RREB1: variants seen among roughly 807,000 people sequenced by gnomAD.
The protein encoded by RREB1 is ras-responsive element-binding protein 1.
RREB1 carries 27 observed loss-of-function variants against 117.8 expected under a neutral mutation model. The observed-to-expected ratio is 0.23, with a 90% CI of 0.17 to 0.32. The LOEUF (loss-of-function observed/expected upper bound fraction) is 0.32, where lower values mean the gene tolerates loss of function less well. Ranked by LOEUF, RREB1 falls within the 10% of genes least tolerant of loss-of-function variation. The pLI is 1.00. For synonymous variants in RREB1, 1,298 were observed against 1,026.7 expected (o/e 1.26, Z -5.05); for missense variants, 2,577 against 2,378.2 (o/e 1.08, Z -1.74).
At chr6:7,191,701 T>C (rs1033992537) in intron 6 of RREB1, among the ~76,000 whole-genome samples, 8 of 152,340 alleles carry the variant, frequency 5.3e-5, no homozygotes, top group African/African-American at 1.7e-4. Flanking sequence ...AATTTATTTC[T>C]AAGTATTTTA....
At chr6:7,200,244 A>ATGTGTGTGTG (rs70978945) in intron 6 of RREB1, among the ~76,000 whole-genome samples, 1,955 of 129,354 alleles carry the variant, frequency 0.015, 38 homozygotes, top group South Asian at 0.062. Flanking sequence ...ATGTGTGTAT[A>ATGTGTGTGTG]TGTGTGTGTG....
At chr6:7,188,252 T>TGTGCGC (rs1411771705) in intron 5 of RREB1, among the ~76,000 whole-genome samples, 2 of 147,582 alleles carry the variant, frequency 1.4e-5, no homozygotes, top group African/African-American at 5.0e-5. Context: ...TGTGTGTGTG[T>TGTGCGC]GCGCGCGCGC....
In RREB1 at chr6:7,247,167, A is replaced by C; in HGVS notation, c.4717A>C (p.Asn1573His). 6 of 1,613,874 alleles carry C rather than the reference A, an allele frequency of 3.7e-6. No homozygotes were observed. Among genetic ancestry groups the C allele is most frequent in the Non-Finnish European group, 5.1e-6 (6 of 1,179,990 alleles). ...DKRKKVCSVC[N>H]KRFWSLQDLT... ...GAGGAAGAAGGTCTGCAGCGTGTGC[A>C]ACAAGCGGTTCTGGTCGCTGCAGGA... The change falls in exon 12 of 13, where the codon AAC (asparagine) becomes CAC (histidine). Residue 1573 changes from asparagine to histidine, a missense_variant. Physicochemically the swap from Asn to His is moderately conservative, Grantham distance 68. Coordinates refer to ENST00000379938, the MANE Select transcript of RREB1 (RefSeq NM_001003699.4).
In RREB1 at chr6:7,248,940, G is replaced by T; in HGVS notation, c.5201G>T (p.Gly1734Val). ...PAHPILATAD[G>V]ASQLVGME ...CACCCAATCCTGGCCACAGCTGATG[G>T]CGCCTCCCAGCTCGTGGGGATGGAG... The change falls in exon 13 of 13, where the codon GGC (glycine) becomes GTC (valine). Residue 1734 changes from glycine to valine, a missense_variant. Coordinates refer to ENST00000379938, the MANE Select transcript of RREB1 (RefSeq NM_001003699.4). 1 of 1,501,344 alleles carries T rather than the reference G, an allele frequency of 6.7e-7. No homozygotes were observed. The highest frequency in any genetic ancestry group is 1.4e-5 in the African/African-American group (1 of 71,976). The allele number at this position is 1,501,344 out of a possible 1,614,324, so 93.0% of individuals were successfully genotyped here.
intron 8 of RREB1, 103 bp downstream of exon 8, chr6:7,211,812 T>C (rs935317562): frequency 8.0e-7 from 1 of 1,256,880 alleles, no homozygotes; most frequent in African/African-American, 1.5e-5. Flanking sequence ...GTGATTGAAC[T>C]TGGGCACAAC....
chr6:7,147,233 C>T (rs1272713060), intron 1 of RREB1, among the ~76,000 whole-genome samples: 1 of 152,210 alleles, frequency 6.6e-6, no homozygotes, highest in African/African-American at 2.4e-5. Context: ...CTTGGCCGAG[C>T]TGGGTCTGTG....
At chr6:7,179,284 T>G (rs1194723456) in intron 2 of RREB1, among the ~76,000 whole-genome samples, 1 of 152,224 alleles carries the variant, frequency 6.6e-6, no homozygotes, top group African/African-American at 2.4e-5. Flanking sequence ...TTTTGTTGTT[T>G]GTTTGTTTTT....
intron 1 of RREB1, among the ~76,000 whole-genome samples, chr6:7,121,956 C>T (rs951189690): frequency 1.3e-5 from 2 of 152,078 alleles, no homozygotes; most frequent in African/African-American, 2.4e-5. Flanking sequence ...GTGGTTGTCA[C>T]CTACTTAGGA....
chr6:7,109,947 C>T (rs996512224), intron 1 of RREB1, among the ~76,000 whole-genome samples: 4 of 152,118 alleles, frequency 2.6e-5, no homozygotes, highest in Admixed American at 1.3e-4. Flanking sequence ...GAAAATTGAA[C>T]CCTCTTAGAG....
intron 1 of RREB1, among the ~76,000 whole-genome samples, chr6:7,111,445 A>T (rs751216059): frequency 6.6e-6 from 1 of 152,180 alleles, no homozygotes; most frequent in Non-Finnish European, 1.5e-5. Flanking sequence ...AACAGAAGTG[A>T]ATTCTTTTGA....
intron 8 of RREB1, among the ~76,000 whole-genome samples, chr6:7,220,040 C>G (rs1289578469): frequency 1.3e-5 from 2 of 152,200 alleles, no homozygotes; most frequent in Non-Finnish European, 2.9e-5. Flanking sequence ...CTCCTACCAT[C>G]TACCCTGAGA....
chr6:7,199,589 T>C (rs1217328643), intron 6 of RREB1, among the ~76,000 whole-genome samples: 1 of 152,216 alleles, frequency 6.6e-6, no homozygotes, highest in Non-Finnish European at 1.5e-5. Flanking sequence ...TCTTCTTTTT[T>C]GATTGCTTGT....
intron 1 of RREB1, among the ~76,000 whole-genome samples, chr6:7,144,914 C>T (rs1330361114): frequency 6.6e-6 from 1 of 152,168 alleles, no homozygotes; most frequent in African/African-American, 2.4e-5. Context: ...TATTTGTTGT[C>T]CTTCAGCGAG....
intron 1 of RREB1, among the ~76,000 whole-genome samples, chr6:7,120,271 T>TAA (rs771687438): frequency 1.3e-5 from 2 of 151,456 alleles, no homozygotes; most frequent in Non-Finnish European, 2.9e-5. Context: ...GACAACAAGG[T>TAA]AAAAAACCCT....
At chr6:7,147,544 C>G (rs2113412341) in intron 1 of RREB1, among the ~76,000 whole-genome samples, 1 of 152,298 alleles carries the variant, frequency 6.6e-6, no homozygotes, top group African/African-American at 2.4e-5. Flanking sequence ...GCCTTGTTTT[C>G]TTTCTCTGGC....
chr6:7,166,088 G>A lies in RREB1; in HGVS notation c.-284-10567G>A, dbSNP rs76104351. Reference sequence around the variant, plus strand: ...GCAGTTAGACCCCCCAGGGAGTGCAGTTGTGAACTAATCACCGCCTGGAGA... The same window carrying A: ...GCAGTTAGACCCCCCAGGGAGTGCAATTGTGAACTAATCACCGCCTGGAGA... On this transcript the variant is annotated intron_variant, in intron 1 of 12. Coordinates refer to ENST00000379938, the MANE Select transcript of RREB1 (RefSeq NM_001003699.4). 7.9e-5 allele frequency among the ~76,000 whole-genome samples: 12 copies of A among 152,216 alleles called. No individual in the cohort carries two copies. In the East Asian group the frequency reaches 2.3e-3, roughly 29 times the overall value.
At chr6:7,126,245 C>T (rs895881034) in intron 1 of RREB1, among the ~76,000 whole-genome samples, 2 of 152,008 alleles carry the variant, frequency 1.3e-5, no homozygotes, top group African/African-American at 2.4e-5. Context: ...CGTGATCCGC[C>T]CGCCTTGGCC....
chr6:7,222,584 C>T lies in RREB1; in HGVS notation c.708-3883C>T, dbSNP rs140073990. ...CATCACCTACTACGTATGAAGGTGTCCAGAAACAGGAGGGATTTAAGGGTG... is the reference window on the plus strand; with the variant it reads ...CATCACCTACTACGTATGAAGGTGTTCAGAAACAGGAGGGATTTAAGGGTG... On this transcript the variant is annotated intron_variant, in intron 8 of 12. Transcript: ENST00000379938. Among the ~76,000 whole-genome samples the T allele has an allele frequency of 6.0e-3, 915 of 152,122 alleles. 5 individuals carry two copies. The highest frequency in any genetic ancestry group is 8.6e-3 in the Non-Finnish European group (583 of 67,998).
intron 11 of RREB1, among the ~76,000 whole-genome samples, chr6:7,240,850 TGCTAG>T (rs1768664176): frequency 6.6e-6 from 1 of 152,270 alleles, no homozygotes; most frequent in South Asian, 2.1e-4. Flanking sequence ...CTCTCGGGGC[TGCTAG>T]GGAAGATCTG....
Sources: allele counts gnomAD v4.1 joint callset (sites outside exome capture counted in the v4.1 genomes callset), GRCh38; gene constraint gnomAD v4.1.1; transcripts MANE v1.5; gene names NCBI Gene and HGNC (gene_info 2026-07-23, HGNC 2026-07-21).